The following EFTUD2 variants were observed in gnomAD, a reference collection of about 807,000 sequenced individuals.
The protein encoded by EFTUD2 is 116 kDa U5 small nuclear ribonucleoprotein component.
EFTUD2 carries 9 observed loss-of-function variants against 114.3 expected under a neutral mutation model. That is an observed-to-expected ratio of 0.08 (90% CI 0.05 to 0.14). The LOEUF is 0.14. Among genes scored for constraint, EFTUD2 ranks in the 10% least tolerant of loss-of-function variants. EFTUD2 has a pLI of 1.00. For synonymous variants in EFTUD2, 449 were observed against 462.3 expected (o/e 0.97, Z 0.37); for missense variants, 765 against 1,241.2 (o/e 0.62, Z 5.76).
chr17:44,868,620 A>ACTGGTCCAAAGTTGACAAG, intron 11 of EFTUD2: 1 of 432,800 alleles, frequency 2.3e-6, no homozygotes, highest in Non-Finnish European at 4.1e-6. Context: ...TATGGACAAG[A>ACTGGTCCAAAGTTGACAAG]GCATGGGTTA....
intron 1 of EFTUD2, among the ~76,000 whole-genome samples, chr17:44,898,615 G>A (rs1296100824): frequency 6.6e-6 from 1 of 152,146 alleles, no homozygotes; most frequent in Non-Finnish European, 1.5e-5. Context: ...TGTCCAAAAC[G>A]CTCTCCCCTT....
Position 44,860,563 on chromosome 17 carries a change from G to A in EFTUD2, c.1608-20C>T. On this transcript the variant is annotated intron_variant, in intron 16 of 27. Transcript: ENST00000426333. ...TGGTACCTGAAGCAATGTCCAATAAGCAGCAGTGAAACTTAGGCAGAGCAT... is the reference window on the plus strand; with the variant it reads ...TGGTACCTGAAGCAATGTCCAATAAACAGCAGTGAAACTTAGGCAGAGCAT... 1 of 1,424,508 alleles carries A rather than the reference G, an allele frequency of 7.0e-7. No homozygotes were observed. Among genetic ancestry groups the A allele is most frequent in the South Asian group, 1.1e-5 (1 of 87,050 alleles). 88.2% of individuals were successfully genotyped at this position (1,424,508 alleles called of 1,614,324 possible). A position where few individuals can be genotyped will look rare whatever the true frequency, so the allele number is the denominator to read the frequency against.
chr17:44,864,054 C>T (rs2050703079), intron 14 of EFTUD2: 2 of 297,270 alleles, frequency 6.7e-6, no homozygotes, highest in Non-Finnish European at 6.4e-6. Context: ...TAAAGTACAT[C>T]GATCTATGAA....
intron 19 of EFTUD2, 84 bp from the exon 20 acceptor site, chr17:44,857,241 C>A: frequency 6.1e-6 from 7 of 1,143,042 alleles, no homozygotes; most frequent in Admixed American, 5.5e-5. Flanking sequence ...TCAGAAGCTC[C>A]CTTGACACTA....
chr17:44,867,950 A>C (rs2050781320), intron 12 of EFTUD2, 53 bp from the exon 13 acceptor site: 2 of 1,482,538 alleles, frequency 1.3e-6, no homozygotes, highest in South Asian at 1.3e-5. Flanking sequence ...ACTATCACTG[A>C]TCCCAAGAGG....
chr17:44,860,658 G>A (rs1046642342), intron 16 of EFTUD2, 115 bp from the exon 17 acceptor site: 59 of 670,592 alleles, frequency 8.8e-5, no homozygotes, highest in Non-Finnish European at 1.2e-4. Context: ...GAGTGCAGTG[G>A]CACAATCTTG....
chr17:44,883,022 G>A, intron 6 of EFTUD2, 71 bp downstream of exon 6: 1 of 1,473,678 alleles, frequency 6.8e-7, no homozygotes, highest in Non-Finnish European at 9.4e-7. Context: ...AAGGGTGAAG[G>A]AAGGAGGAGA....
At chr17:44,859,639 ACG>A in intron 18 of EFTUD2, 2 of 544,060 alleles carry the variant, frequency 3.7e-6, no homozygotes, top group Non-Finnish European at 6.5e-6. Flanking sequence ...GAACACAAAT[ACG>A]CACACACACA....
rs978576509 is a variant in EFTUD2, at chr17:44,876,153, T to G, written c.703-53A>C. On this transcript the variant is annotated intron_variant, in intron 9 of 27. Transcript: ENST00000426333. ...TAAGAAGAACAAGGAGGGCAGAAAGTTCAAAGCAGAACCAAAGAAGGCACT... is the reference window on the plus strand; with the variant it reads ...TAAGAAGAACAAGGAGGGCAGAAAGGTCAAAGCAGAACCAAAGAAGGCACT... 10 of 1,563,968 alleles carry G rather than the reference T, an allele frequency of 6.4e-6. 1 individual carries two copies. The South Asian group carries it at 1.2e-4, about 18-fold the overall frequency.
intron 8 of EFTUD2, 100 bp from the exon 9 acceptor site, chr17:44,879,738 C>T (rs1482212667): frequency 1.7e-5 from 19 of 1,112,184 alleles, no homozygotes; most frequent in East Asian, 1.5e-4. Flanking sequence ...CGTGAACCTC[C>T]GAATATCCCC....
intron 13 of EFTUD2, among the ~76,000 whole-genome samples, chr17:44,866,577 C>A (rs2050749884): frequency 6.6e-6 from 1 of 151,956 alleles, no homozygotes; most frequent in African/African-American, 2.4e-5. Context: ...TGGGGTCTTG[C>A]CATGTTGCCC....
At chr17:44,875,836 C>T (rs1233547632) in intron 10 of EFTUD2, 98 bp downstream of exon 10, 6 of 1,482,244 alleles carry the variant, frequency 4.0e-6, no homozygotes, top group Middle Eastern at 2.5e-4. Flanking sequence ...AACTCATCAA[C>T]ACACGCTTAG....
At chr17:44,878,170 T>C (rs913343203) in intron 9 of EFTUD2, among the ~76,000 whole-genome samples, 1 of 152,028 alleles carries the variant, frequency 6.6e-6, no homozygotes, top group African/African-American at 2.4e-5. Flanking sequence ...TAAGAAGAGT[T>C]AGAAGACTCA....
intron 2 of EFTUD2, among the ~76,000 whole-genome samples, chr17:44,893,615 A>G (rs1381327393): frequency 6.6e-6 from 1 of 152,176 alleles, no homozygotes. Flanking sequence ...ATGAAACTAC[A>G]TATTCCCTTT....
intron 9 of EFTUD2, 101 bp from the exon 10 acceptor site, chr17:44,876,201 G>GAAAAAAA: frequency 2.2e-6 from 3 of 1,344,668 alleles, no homozygotes; most frequent in Admixed American, 2.4e-5. Context: ...GAAGCCTGGG[G>GAAAAAAA]AGAAAAAAAG....
intron 20 of EFTUD2, among the ~76,000 whole-genome samples, chr17:44,856,773 CA>C (rs1179153857): frequency 7.1e-6 from 1 of 141,112 alleles, no homozygotes; most frequent in South Asian, 2.3e-4. Flanking sequence ...AAAAAAAAAA[CA>C]AAAAAACAAA....
chr17:44,883,497 C>T lies in EFTUD2; in HGVS notation c.426+152G>A, dbSNP rs2051110434. ...TGCTGCTTGGGAAAAGCCAGAATTT[C>T]ACAGTATGACTTCGTAACAGGCATG... On this transcript the variant is annotated intron_variant, in intron 5 of 27. Transcript: ENST00000426333. The T allele has an allele frequency of 1.5e-5, 11 of 738,284 alleles. No individual in the cohort carries two copies. The South Asian group carries it at 1.6e-4, about 10-fold the overall frequency. The allele number at this position is 738,284 out of a possible 1,614,324, so 45.7% of individuals were successfully genotyped here.
chr17:44,861,760 C>T (rs2050665204), intron 16 of EFTUD2, among the ~76,000 whole-genome samples: 1 of 152,124 alleles, frequency 6.6e-6, no homozygotes, highest in Admixed American at 6.5e-5. Flanking sequence ...CAGAAAACTT[C>T]CACTTTCCCA....
intron 6 of EFTUD2, 55 bp from the exon 7 acceptor site, chr17:44,881,777 C>A (rs1357075221): frequency 6.4e-7 from 1 of 1,552,764 alleles, no homozygotes; most frequent in Non-Finnish European, 8.9e-7. Context: ...CTCCCACAAA[C>A]GAACCATCAA....
Sources: gnomAD v4.1 joint callset for allele counts (sites outside exome capture counted in the v4.1 genomes callset) on GRCh38, gnomAD v4.1.1 for gene constraint, MANE v1.5 for transcripts, NCBI Gene and HGNC (gene_info 2026-07-23, HGNC 2026-07-21) for gene names.